The following BMPR1B variants were observed in gnomAD, a reference collection of about 807,000 sequenced individuals.
BMPR1B encodes the protein bone morphogenetic protein receptor type-1B.
In BMPR1B, 12 loss-of-function variants were observed where a neutral mutation model predicts 59.1. That is an observed-to-expected ratio of 0.20 (90% CI 0.13 to 0.33). BMPR1B has a LOEUF of 0.33. BMPR1B is among the 10% of genes least tolerant of loss of function. The probability of loss-of-function intolerance (pLI) is 1.00; values close to 1 mark genes in which losing one functional copy is unlikely to be tolerated. For missense variants in BMPR1B, 550 were observed against 610.9 expected, an observed-to-expected ratio of 0.90 and a Z score of 1.05; for synonymous variants, 237 against 207.3, an observed-to-expected ratio of 1.14 and a Z score of -1.23.
intron 2 of BMPR1B, among the ~76,000 whole-genome samples, chr4:94,877,612 C>T (rs1256583959): frequency 6.6e-6 from 1 of 152,202 alleles, no homozygotes; most frequent in Non-Finnish European, 1.5e-5. Flanking sequence ...ACATCCCCTA[C>T]CCCCAGTAGG....
At position 95,154,604 on chromosome 4, in the gene BMPR1B, A is replaced by G; in HGVS notation, c.1440A>G (p.Ser480=). 6.2e-7 allele frequency: 1 copy of G among 1,614,148 alleles called. No individual in the cohort carries two copies. The highest frequency in any genetic ancestry group is 8.5e-7 in the Non-Finnish European group (1 of 1,179,988). ...AATGCTGGGCTCACAATCCTGCATC[A>G]AGGCTGACAGCCCTGCGGGTTAAGA... ...MTECWAHNPA[S]RLTALRVKKT... Residue 480 remains serine (S), a synonymous_variant, in exon 13 of 13, where the codon TCA becomes TCG. Coordinates refer to ENST00000515059, the MANE Select transcript of BMPR1B (RefSeq NM_001203.3).
At chr4:94,863,697 G>A (rs945154207) in intron 1 of BMPR1B, among the ~76,000 whole-genome samples, 1 of 152,146 alleles carries the variant, frequency 6.6e-6, no homozygotes, top group Non-Finnish European at 1.5e-5. Context: ...GCGGCAATGT[G>A]GCTGCGTTTT....
chr4:95,114,658 A>ACACACTGACT (rs1731881400), intron 4 of BMPR1B, 62 bp from the exon 5 acceptor site: 1 of 1,361,284 alleles, frequency 7.3e-7, no homozygotes, highest in African/African-American at 1.4e-5. Flanking sequence ...ACACACACAC[A>ACACACTGACT]CACACACACA....
intron 2 of BMPR1B, among the ~76,000 whole-genome samples, chr4:94,972,755 T>G (rs1259939855): frequency 2.0e-5 from 3 of 152,226 alleles, no homozygotes; most frequent in Admixed American, 6.5e-5. Flanking sequence ...TGTAACTTTA[T>G]GCTATTCAGT....
At chr4:94,958,229 A>G (rs576783104) in intron 2 of BMPR1B, among the ~76,000 whole-genome samples, 12 of 152,332 alleles carry the variant, frequency 7.9e-5, no homozygotes, top group East Asian at 1.9e-4. Flanking sequence ...TCCTTGGATA[A>G]TAAGCACACC....
At chr4:95,082,551 C>T (rs1729240967) in intron 3 of BMPR1B, among the ~76,000 whole-genome samples, 1 of 152,090 alleles carries the variant, frequency 6.6e-6, no homozygotes, top group Non-Finnish European at 1.5e-5. Context: ...GATTACATCT[C>T]ATTTAATCTC....
chr4:94,767,859 T>C (rs1722028068), intron 1 of BMPR1B, among the ~76,000 whole-genome samples: 3 of 152,140 alleles, frequency 2.0e-5, no homozygotes, highest in Admixed American at 1.3e-4. Context: ...ATGGATACTA[T>C]ATTCTTCCTC....
intron 3 of BMPR1B, among the ~76,000 whole-genome samples, chr4:95,049,640 G>A (rs1287939453): frequency 6.6e-6 from 1 of 151,342 alleles, no homozygotes; most frequent in South Asian, 2.1e-4. Flanking sequence ...TGTAAGCCTT[G>A]CTCATATAAT....
At chr4:95,136,455 C>T (rs1733794922) in intron 10 of BMPR1B, among the ~76,000 whole-genome samples, 1 of 152,118 alleles carries the variant, frequency 6.6e-6, no homozygotes, top group Non-Finnish European at 1.5e-5. Flanking sequence ...CCCTCTCTTT[C>T]TGTTGATTGG....
At chr4:95,000,543 G>A (rs1722372212) in intron 3 of BMPR1B, among the ~76,000 whole-genome samples, 1 of 151,962 alleles carries the variant, frequency 6.6e-6, no homozygotes, top group Admixed American at 6.6e-5. Context: ...AAGAGAGAAA[G>A]AAAGAAGTGG....
chr4:94,867,096 G>C (rs1396376800), intron 1 of BMPR1B, among the ~76,000 whole-genome samples: 1 of 151,904 alleles, frequency 6.6e-6, no homozygotes, highest in East Asian at 1.9e-4. Flanking sequence ...CCCTTCTCTG[G>C]GGTCTTTTAC....
intron 1 of BMPR1B, among the ~76,000 whole-genome samples, chr4:94,841,251 C>G (rs867415924): frequency 4.8e-5 from 7 of 147,030 alleles, no homozygotes; most frequent in Admixed American, 6.7e-5. Context: ...GTGGAGCCTA[C>G]AGAGGCAGGC....
In BMPR1B at chr4:95,045,697, A is replaced by G. The variant is rs976508440; in HGVS notation, c.-18+49563A>G. On this transcript the variant is annotated intron_variant, in intron 3 of 12. Coordinates refer to ENST00000515059, the MANE Select transcript of BMPR1B (RefSeq NM_001203.3). ...TCTTTGTTTATTCACTGTTTTTTCC[A>G]TGTTTCCTCAGCATAGCAGGCAGTT... is the stretch of plus-strand genomic sequence containing the variant. Among the ~76,000 whole-genome samples the G allele has an allele frequency of 2.6e-5, 4 of 151,950 alleles. No homozygotes were observed. In the East Asian group the frequency reaches 5.8e-4, roughly 22 times the overall value.
At chr4:94,866,782 C>T (rs372768735) in intron 1 of BMPR1B, among the ~76,000 whole-genome samples, 7 of 152,234 alleles carry the variant, frequency 4.6e-5, no homozygotes, top group African/African-American at 1.7e-4. Flanking sequence ...TGGGGTTTCA[C>T]CATGTTGGCC....
chr4:94,792,823 A>G (rs1723032999), intron 1 of BMPR1B, among the ~76,000 whole-genome samples: 1 of 152,186 alleles, frequency 6.6e-6, no homozygotes, highest in African/African-American at 2.4e-5. Flanking sequence ...TCCTTTACAT[A>G]GTGTTCACCA....
At chr4:94,809,098 A>T (rs976485166) in intron 1 of BMPR1B, among the ~76,000 whole-genome samples, 1 of 152,198 alleles carries the variant, frequency 6.6e-6, no homozygotes, top group Non-Finnish European at 1.5e-5. Flanking sequence ...GATTATTATT[A>T]CGGTTGGACC....
chr4:95,148,299 T>C (rs2149325149), intron 10 of BMPR1B, among the ~76,000 whole-genome samples: 1 of 152,298 alleles, frequency 6.6e-6, no homozygotes, highest in Admixed American at 6.5e-5. Context: ...GGAAGAGGGT[T>C]TTTTTAGATA....
intron 10 of BMPR1B, among the ~76,000 whole-genome samples, chr4:95,142,071 T>C (rs966269831): frequency 4.6e-5 from 7 of 152,198 alleles, no homozygotes; most frequent in Non-Finnish European, 1.0e-4. Flanking sequence ...ATACCCACCT[T>C]ATGTTGAAGA....
At chr4:95,128,625 G>C (rs763635961) in intron 8 of BMPR1B, among the ~76,000 whole-genome samples, 7 of 152,014 alleles carry the variant, frequency 4.6e-5, no homozygotes, top group Non-Finnish European at 1.0e-4. Flanking sequence ...CTTAGAGCTT[G>C]GTAAATAATA....
Sources: gnomAD v4.1 joint callset for allele counts (sites outside exome capture counted in the v4.1 genomes callset) on GRCh38, gnomAD v4.1.1 for gene constraint, MANE v1.5 for transcripts, NCBI Gene and HGNC (gene_info 2026-07-23, HGNC 2026-07-21) for gene names.